Variants in DNAH7 observed in about 807,000 individuals in gnomAD.
DNAH7 encodes the protein dynein axonemal heavy chain 7.
DNAH7 carries 397 observed loss-of-function variants against 444.6 expected under a neutral mutation model. That is an observed-to-expected ratio of 0.89 (90% CI 0.82 to 0.97). DNAH7 has a LOEUF of 0.97. Among genes scored for constraint, DNAH7 ranks in the 50% least tolerant of loss-of-function variants. The probability of loss-of-function intolerance (pLI) is 0.00; values close to 1 mark genes in which losing one functional copy is unlikely to be tolerated. For synonymous variants in DNAH7, 1,636 were observed against 1,624.4 expected, an observed-to-expected ratio of 1.01 and a Z score of -0.17; for missense variants, 4,902 against 4,800.8, an observed-to-expected ratio of 1.02 and a Z score of -0.62.
chr2:195,998,860 T>A, intron 12 of DNAH7: 1 of 410,422 alleles, frequency 2.4e-6, no homozygotes, highest in Non-Finnish European at 4.3e-6. Context: ...AAGCTGACTT[T>A]ATCTTTTATA....
intron 14 of DNAH7, 127 bp downstream of exon 14, chr2:195,986,939 G>C: frequency 2.3e-6 from 2 of 885,630 alleles, no homozygotes; most frequent in Non-Finnish European, 1.6e-6. Context: ...GCAGAAATAA[G>C]TTTAGCATAA....
At chr2:195,741,296 A>G (rs1693016214) in intron 63 of DNAH7, among the ~76,000 whole-genome samples, 1 of 152,230 alleles carries the variant, frequency 6.6e-6, no homozygotes, top group Non-Finnish European at 1.5e-5. Context: ...ACCCTTCTGC[A>G]GATCTCTAAT....
intron 19 of DNAH7, among the ~76,000 whole-genome samples, chr2:195,946,997 T>G (rs1018515763): frequency 6.6e-6 from 1 of 151,932 alleles, no homozygotes; most frequent in Non-Finnish European, 1.5e-5. Flanking sequence ...GAAAGGTCAC[T>G]GGTTGAGTAT....
chr2:195,834,165 C>T, intron 48 of DNAH7, 41 bp downstream of exon 48: 1 of 1,557,972 alleles, frequency 6.4e-7, no homozygotes, highest in Admixed American at 1.7e-5. Flanking sequence ...GTGCCCTCTC[C>T]AGGCAGTTCT....
intron 8 of DNAH7, among the ~76,000 whole-genome samples, chr2:196,020,233 T>C (rs1255921695): frequency 6.6e-6 from 1 of 152,154 alleles, no homozygotes; most frequent in African/African-American, 2.4e-5. Flanking sequence ...AGGGTATTAA[T>C]AGTTAAGCTT....
In DNAH7 at chr2:195,858,655, A is replaced by T; in HGVS notation, c.7886T>A (p.Met2629Lys). Residue 2629 changes from methionine (M) to lysine (K), a missense_variant, in exon 43 of 65, where the codon ATG becomes AAG. Physicochemically the swap from Met to Lys is moderately conservative, Grantham distance 95 (BLOSUM62 -1). Coordinates refer to ENST00000312428, the MANE Select transcript of DNAH7 (RefSeq NM_018897.3). ...AACTTCTACAGACTCTTTCTCAATC[A>T]TTATCATCATTTCATCAACCTCTTT... is the stretch of plus-strand genomic sequence containing the variant. ...ASKEVDEMMI[M>K]IEKESVEVAK... 1 of 1,613,954 alleles carries T rather than the reference A, an allele frequency of 6.2e-7. No individual in the cohort carries two copies. The highest frequency in any genetic ancestry group is 1.1e-5 in the South Asian group (1 of 91,080).
intron 5 of DNAH7, 53 bp downstream of exon 5, chr2:196,047,299 T>C: frequency 5.6e-6 from 8 of 1,440,558 alleles, no homozygotes; most frequent in Non-Finnish European, 7.4e-6. Flanking sequence ...AGGTTAAACG[T>C]TGCCAGGGGC....
At position 195,818,930 on chromosome 2, in the gene DNAH7, A is replaced by T. The variant is rs117207076; in HGVS notation, c.9292-1101T>A. On this transcript the variant is annotated intron_variant, in intron 49 of 64. Coordinates refer to ENST00000312428, the MANE Select transcript of DNAH7 (RefSeq NM_018897.3). ...TCACCATGTATCACCAATCTTTTTA[A>T]TTTTTAATTTTTATGGATACATAAC... Among the ~76,000 whole-genome samples, 55 of 151,966 alleles carry T rather than the reference A, an allele frequency of 3.6e-4. No homozygotes were observed. In the East Asian group the frequency reaches 0.01, roughly 28 times the overall value.
rs955134095 is a variant in DNAH7, at chr2:195,957,861, C to G, written c.2892-414G>C. On this transcript the variant is annotated intron_variant, in intron 18 of 64. Transcript: ENST00000312428. ...TCATAGCAATAAACCTTTCTGCTATCTAGTTCCATGGCTAGAGAGTACAAA... is the reference window on the plus strand; with the variant it reads ...TCATAGCAATAAACCTTTCTGCTATGTAGTTCCATGGCTAGAGAGTACAAA... 5.3e-5 allele frequency among the ~76,000 whole-genome samples: 8 copies of G among 152,046 alleles called. No homozygotes were observed. In the East Asian group the frequency reaches 1.5e-3, roughly 29 times the overall value.
intron 31 of DNAH7, among the ~76,000 whole-genome samples, chr2:195,890,721 G>C (rs1386845947): frequency 6.6e-6 from 1 of 152,114 alleles, no homozygotes; most frequent in East Asian, 1.9e-4. Context: ...TCTGCCCCAT[G>C]AGAGTCAGTC....
chr2:195,767,826 C>T (rs1198451458), intron 61 of DNAH7, among the ~76,000 whole-genome samples: 2 of 151,438 alleles, frequency 1.3e-5, no homozygotes, highest in Non-Finnish European at 3.0e-5. Flanking sequence ...TCAATATTAT[C>T]AAAGATAAAG....
At chr2:195,846,359 C>G (rs1338741435) in intron 46 of DNAH7, among the ~76,000 whole-genome samples, 3 of 152,118 alleles carry the variant, frequency 2.0e-5, no homozygotes, top group African/African-American at 7.2e-5. Flanking sequence ...GAAAAAACAA[C>G]AGATGCTGGC....
rs1697243459 is a variant in DNAH7, at chr2:195,816,801, A to C, written c.9588T>G (p.Ile3196Met). 6.2e-7 allele frequency: 1 copy of C among 1,614,152 alleles called. No homozygotes were observed. The highest frequency in any genetic ancestry group is 1.7e-4 in the Middle Eastern group (1 of 6,060). Residue 3196 changes from isoleucine (I) to methionine (M), a missense_variant, in exon 51 of 65, where the codon ATT becomes ATG. Ile to Met is a conservative substitution (Grantham distance 10). Transcript: ENST00000312428. ...GACGATAGCCCATGCGGGTGGTGTC[A>C]ATCTTTTTCTCTGTCTCTTCGGCTA... The part of the protein sequence containing the change: ...QEVAEETEKK[I>M]DTTRMGYRPI...
At chr2:195,759,434 G>A (rs537294592) in intron 61 of DNAH7, among the ~76,000 whole-genome samples, 2 of 152,290 alleles carry the variant, frequency 1.3e-5, no homozygotes, top group South Asian at 4.1e-4. Context: ...GAGACTCAGT[G>A]CCATGCAGGC....
chr2:195,771,737 C>G lies in DNAH7; in HGVS notation c.11356G>C (p.Val3786Leu). The change falls in exon 61 of 65, where the codon GTC becomes CTC. Residue 3786 changes from valine (V) to leucine (L), a missense_variant. Val to Leu is a conservative substitution (Grantham distance 32). Transcript: ENST00000312428. ...TYTQSMNTVLVQEMGRFNKLL... is the reference protein window; with the variant it reads ...TYTQSMNTVLLQEMGRFNKLL... ...TTATTGAACCGTCCCATCTCTTGGA[C>G]AAGTACAGTGTTCATGCTCTGAGTA... 1 of 1,614,130 alleles carries G rather than the reference C, an allele frequency of 6.2e-7. No individual in the cohort carries two copies. The highest frequency in any genetic ancestry group is 8.5e-7 in the Non-Finnish European group (1 of 1,180,026).
intron 38 of DNAH7, among the ~76,000 whole-genome samples, chr2:195,874,647 T>C (rs1273286637): frequency 6.6e-6 from 1 of 151,584 alleles, no homozygotes; most frequent in Non-Finnish European, 1.5e-5. Flanking sequence ...CCCCAAGCCC[T>C]TGTCTCCACA....
chr2:195,885,581 T>C (rs1332414268), intron 34 of DNAH7, among the ~76,000 whole-genome samples: 1 of 152,180 alleles, frequency 6.6e-6, no homozygotes, highest in Non-Finnish European at 1.5e-5. Flanking sequence ...TTGACCACAG[T>C]AGAAGTGCTA....
In DNAH7 at chr2:195,864,612, T is replaced by TGG. The variant is rs750505119; in HGVS notation, c.7042_7043insCC (p.Gln2348ProfsTer7). 21 of 1,614,178 alleles carry TGG rather than the reference T, an allele frequency of 1.3e-5. No individual in the cohort carries two copies. In the South Asian group the frequency reaches 2.0e-4, roughly 15 times the overall value. ...GTGGGCAGCTAATCTGGTGACAGAC[T>TGG]GCCTTCCACTCCCTCCAACCCCTAC... On this transcript the variant is annotated frameshift_variant, in exon 41 of 65. Transcript: ENST00000312428. LOFTEE classifies it high-confidence loss of function.
At chr2:195,809,950 T>C in intron 51 of DNAH7, 79 bp from the exon 52 acceptor site, 3 of 1,168,408 alleles carry the variant, frequency 2.6e-6, no homozygotes, top group Non-Finnish European at 2.2e-6. Context: ...TACATGTATG[T>C]TCTTCTGATA....
Sources: gnomAD v4.1 joint callset for allele counts (sites outside exome capture counted in the v4.1 genomes callset) on GRCh38, gnomAD v4.1.1 for gene constraint, MANE v1.5 for transcripts, NCBI Gene and HGNC (gene_info 2026-07-23, HGNC 2026-07-21) for gene names.